Variants in GMDS observed in about 807,000 individuals in gnomAD.
GMDS encodes GDP-mannose 4,6 dehydratase.
GMDS carries 20 observed loss-of-function variants against 49.9 expected under a neutral mutation model. The ratio of observed to expected loss-of-function variants is 0.40; its 90% CI spans 0.28 to 0.58. GMDS has a LOEUF of 0.58. GMDS is among the 20% of genes least tolerant of loss of function. GMDS has a pLI of 0.42. For missense variants in GMDS, 362 were observed against 481.4 expected (o/e 0.75, Z 2.32); for synonymous variants, 177 against 178.6 (o/e 0.99, Z 0.07).
At chr6:2,212,706 G>GT (rs1265757970) in intron 1 of GMDS, among the ~76,000 whole-genome samples, 1,092 of 62,502 alleles carry the variant, frequency 0.017, 14 homozygotes, top group African/African-American at 0.077. Flanking sequence ...AGATTAACTT[G>GT]TAAAAAAAAA....
intron 9 of GMDS, among the ~76,000 whole-genome samples, chr6:1,654,034 GCAAGT>G (rs1408000168): frequency 1.3e-5 from 2 of 152,154 alleles, no homozygotes; most frequent in Non-Finnish European, 2.9e-5. Context: ...TTAGGGAAAT[GCAAGT>G]CAAAACCACC....
intron 4 of GMDS, among the ~76,000 whole-genome samples, chr6:2,017,205 CA>C (rs1767957397): frequency 6.6e-6 from 1 of 151,914 alleles, no homozygotes. Context: ...AGCGTGGACA[CA>C]AGACACAAAA....
At chr6:1,875,350 A>ACG (rs1311249750) in intron 7 of GMDS, among the ~76,000 whole-genome samples, 1 of 135,936 alleles carries the variant, frequency 7.4e-6, no homozygotes, top group Non-Finnish European at 1.6e-5. Flanking sequence ...ACACACACAC[A>ACG]CGGACTGGAA....
At position 1,930,232 on chromosome 6, in the gene GMDS, TA is replaced by T. The variant is rs1316059633; in HGVS notation, c.644-3del. ...TTTTTCGAGTAACGAAATTAGCTCC[TA>T]AAAAGAGGCAAAAGATGTAGTATCA... On this transcript the variant is annotated splice_polypyrimidine_tract_variant and splice_region_variant and intron_variant, in intron 6 of 10. Transcript: ENST00000380815. The T allele has an allele frequency of 1.2e-6, 2 of 1,612,370 alleles. No individual in the cohort carries two copies. Among genetic ancestry groups the T allele is most frequent in the East Asian group, 2.2e-5 (1 of 44,858 alleles).
intron 4 of GMDS, among the ~76,000 whole-genome samples, chr6:2,054,148 T>C (rs1770647077): frequency 6.6e-6 from 1 of 152,286 alleles, no homozygotes; most frequent in African/African-American, 2.4e-5. Context: ...GAAATTTCAT[T>C]AGTTCTTCAG....
At chr6:1,644,663 T>C (rs1363087256) in intron 9 of GMDS, among the ~76,000 whole-genome samples, 8 of 152,160 alleles carry the variant, frequency 5.3e-5, no homozygotes, top group Admixed American at 5.2e-4. Context: ...AGGAAGGAGA[T>C]CCCAAGGTCC....
chr6:2,222,958 G>GAACA (rs1157584256), intron 1 of GMDS, among the ~76,000 whole-genome samples: 2 of 152,010 alleles, frequency 1.3e-5, no homozygotes, highest in Non-Finnish European at 2.9e-5. Context: ...TACCCAGGAG[G>GAACA]AACAACTAAT....
intron 9 of GMDS, among the ~76,000 whole-genome samples, chr6:1,700,468 T>C (rs528729704): frequency 2.5e-4 from 38 of 152,262 alleles, no homozygotes; most frequent in Middle Eastern, 3.4e-3. Context: ...AGACTCTAAA[T>C]TACTAGCTTC....
At chr6:1,780,845 G>A (rs761917460) in intron 7 of GMDS, among the ~76,000 whole-genome samples, 1 of 152,214 alleles carries the variant, frequency 6.6e-6, no homozygotes, top group East Asian at 1.9e-4. Context: ...TTTAATCAGA[G>A]AGACTGAACT....
chr6:1,677,022 T>C (rs1377666674), intron 9 of GMDS, among the ~76,000 whole-genome samples: 1 of 132,274 alleles, frequency 7.6e-6, no homozygotes, highest in East Asian at 2.3e-4. Context: ...ATGTTTGCAA[T>C]CTACCCATCT....
chr6:1,782,701 G>T (rs112743695), intron 7 of GMDS, among the ~76,000 whole-genome samples: 6 of 152,210 alleles, frequency 3.9e-5, no homozygotes, highest in African/African-American at 1.4e-4. Flanking sequence ...GAATAAGTAC[G>T]GGTGAAATGA....
At chr6:2,031,117 C>T (rs1768931895) in intron 4 of GMDS, among the ~76,000 whole-genome samples, 1 of 152,180 alleles carries the variant, frequency 6.6e-6, no homozygotes, top group Non-Finnish European at 1.5e-5. Context: ...ATACAGAAAT[C>T]GCCCTGTTAA....
At chr6:1,817,943 G>C (rs1167724915) in intron 7 of GMDS, among the ~76,000 whole-genome samples, 1 of 151,948 alleles carries the variant, frequency 6.6e-6, no homozygotes, top group Admixed American at 6.6e-5. Context: ...AAGAAAAATT[G>C]TAATGGTGCA....
chr6:1,706,658 C>A (rs887874035), intron 9 of GMDS, among the ~76,000 whole-genome samples: 1 of 152,214 alleles, frequency 6.6e-6, no homozygotes, highest in Non-Finnish European at 1.5e-5. Context: ...GCTGGGAGCA[C>A]GAGGCGTCCG....
intron 4 of GMDS, among the ~76,000 whole-genome samples, chr6:1,968,200 G>A (rs1454696954): frequency 1.3e-5 from 2 of 152,282 alleles, no homozygotes; most frequent in East Asian, 3.9e-4. Flanking sequence ...TAAGATAAAT[G>A]CCACTATTCA....
Position 1,623,932 on chromosome 6 carries a change from A to T in GMDS, c.*237T>A, listed in dbSNP as rs1203898852. 2 of 498,282 alleles carry T rather than the reference A, an allele frequency of 4.0e-6. No homozygotes were observed. The highest frequency in any genetic ancestry group is 6.3e-5 in the East Asian group (2 of 31,788). 30.9% of individuals were successfully genotyped at this position (498,282 alleles called of 1,614,324 possible). A position where few individuals can be genotyped will look rare whatever the true frequency, so the allele number is the denominator to read the frequency against. On this transcript the variant is annotated 3_prime_UTR_variant, in exon 11 of 11. Coordinates refer to ENST00000380815, the MANE Select transcript of GMDS (RefSeq NM_001500.4). ...TGATTAAAACATCTTGATTTCACAA[A>T]GCCATTCAGAGGAGGCTTCGACAAA...
chr6:2,092,002 G>A (rs1303302936), intron 4 of GMDS, among the ~76,000 whole-genome samples: 2 of 152,052 alleles, frequency 1.3e-5, no homozygotes, highest in Admixed American at 6.6e-5. Flanking sequence ...CCAGGACTCA[G>A]GGAAGAGTGG....
chr6:1,849,838 T>C (rs909862037), intron 7 of GMDS, among the ~76,000 whole-genome samples: 4 of 152,224 alleles, frequency 2.6e-5, no homozygotes, highest in African/African-American at 9.6e-5. Flanking sequence ...GACACAGTTT[T>C]GCAATCCCTT....
At chr6:2,175,845 G>T (rs907960568) in intron 1 of GMDS, 4 of 720,698 alleles carry the variant, frequency 5.6e-6, no homozygotes, top group East Asian at 2.7e-5. Flanking sequence ...ATGAACCCAC[G>T]TAAGTTCATG....
Sources: gnomAD v4.1 joint callset for allele counts (sites outside exome capture counted in the v4.1 genomes callset) on GRCh38, gnomAD v4.1.1 for gene constraint, MANE v1.5 for transcripts, NCBI Gene and HGNC (gene_info 2026-07-23, HGNC 2026-07-21) for gene names.